Variants in MAGI3 observed in about 807,000 individuals in gnomAD.
MAGI3 encodes membrane associated guanylate kinase, WW and PDZ domain containing 3.
A neutral mutation model predicts 121.8 loss-of-function variants in MAGI3; 43 were observed. The ratio of observed to expected loss-of-function variants is 0.35; its 90% CI spans 0.28 to 0.46. The LOEUF (loss-of-function observed/expected upper bound fraction) is 0.46, where lower values mean the gene tolerates loss of function less well. Among genes scored for constraint, MAGI3 ranks in the 20% least tolerant of loss-of-function variants. The pLI, the probability that MAGI3 is intolerant of heterozygous loss-of-function variation, is 1.00. For synonymous variants in MAGI3, 553 were observed against 639.3 expected (o/e 0.86, Z 2.04); for missense variants, 1,547 against 1,797.3 (o/e 0.86, Z 2.52).
At chr1:113,572,295 C>T (rs1463655937) in intron 2 of MAGI3, among the ~76,000 whole-genome samples, 1 of 152,176 alleles carries the variant, frequency 6.6e-6, no homozygotes, top group African/African-American at 2.4e-5. Flanking sequence ...ATTCAGTTTG[C>T]CAGTATTTTA....
Position 113,684,943 on chromosome 1 carries a change from C to T in MAGI3, c.*929C>T, listed in dbSNP as rs1648457622. 1 of 152,332 alleles carries T rather than the reference C, an allele frequency of 6.6e-6. No individual in the cohort carries two copies. The highest frequency in any genetic ancestry group is 2.4e-5 in the African/African-American group (1 of 41,448). 9.4% of individuals were successfully genotyped at this position (152,332 alleles called of 1,614,324 possible). On this transcript the variant is annotated 3_prime_UTR_variant, in exon 21 of 21. Transcript: ENST00000307546. ...AGTCATTAGTCTTTAATACATAATA[C>T]ATATTTGAAAAGTAAACATATTATA...
rs548774630 is a variant in MAGI3 at position 113,545,385 on chromosome 1, G to A, written c.317-4130G>A. On this transcript the variant is annotated intron_variant, in intron 1 of 20. Coordinates refer to ENST00000307546, the MANE Select transcript of MAGI3 (RefSeq NM_001142782.2). Reference sequence around the variant, plus strand: ...TGCTATTGGATTAGAGAATAGTAAAGACATGTTGTATCTTGACTTTCGCCA... The same window carrying A: ...TGCTATTGGATTAGAGAATAGTAAAAACATGTTGTATCTTGACTTTCGCCA... Among the ~76,000 whole-genome samples, 8 of 152,108 alleles carry A rather than the reference G, an allele frequency of 5.3e-5. No individual in the cohort carries two copies. The South Asian group carries it at 1.7e-3, about 32-fold the overall frequency.
intron 1 of MAGI3, among the ~76,000 whole-genome samples, chr1:113,527,201 A>G (rs1324932058): frequency 2.6e-5 from 4 of 151,268 alleles, no homozygotes. Context: ...GATTTTTAAA[A>G]TGGCAGTTGA....
chr1:113,423,204 G>A (rs184020774), intron 1 of MAGI3, among the ~76,000 whole-genome samples: 27 of 148,288 alleles, frequency 1.8e-4, no homozygotes, highest in African/African-American at 5.9e-4. Context: ...GACCCAAAGC[G>A]CGTAGTTCCT....
At chr1:113,573,323 T>G (rs988631407) in intron 2 of MAGI3, among the ~76,000 whole-genome samples, 52 of 152,370 alleles carry the variant, frequency 3.4e-4, no homozygotes, top group African/African-American at 1.2e-3. Flanking sequence ...TTTTCCGATG[T>G]GGGCATTCAG....
At chr1:113,623,443 T>TACATACACATACAC (rs1650977416) in intron 9 of MAGI3, among the ~76,000 whole-genome samples, 1 of 62,996 alleles carries the variant, frequency 1.6e-5, no homozygotes, top group Non-Finnish European at 3.2e-5. Context: ...CACATATATA[T>TACATACACATACAC]ACACACACAT....
chr1:113,664,995 G>A (rs866337553), intron 16 of MAGI3, among the ~76,000 whole-genome samples: 3 of 152,050 alleles, frequency 2.0e-5, no homozygotes, highest in Non-Finnish European at 4.4e-5. Flanking sequence ...TAATTTAGAT[G>A]TAATCAAATT....
chr1:113,423,245 C>CG (rs1652820743), intron 1 of MAGI3, among the ~76,000 whole-genome samples: 1 of 83,662 alleles, frequency 1.2e-5, no homozygotes, highest in Admixed American at 1.7e-4. Context: ...GGTAAGTATT[C>CG]GTTTTTTTTT....
intron 20 of MAGI3, chr1:113,682,674 A>T: frequency 1.0e-6 from 1 of 976,936 alleles, no homozygotes. Flanking sequence ...GAAAAAATGA[A>T]TATTATTTTG....
In MAGI3 at chr1:113,642,057, C is replaced by G; in HGVS notation, c.1507C>G (p.Pro503Ala). 1.2e-6 allele frequency: 2 copies of G among 1,614,080 alleles called. No homozygotes were observed. The highest frequency in any genetic ancestry group is 1.7e-6 in the Non-Finnish European group (2 of 1,180,020). ...GYPLPDDSED[P>A]VVDIVAATPV... ...TCCACTTCCTGATGACAGTGAAGAT[C>G]CTGTTGTGGACATTGTTGCTGCTAC... The change falls in exon 10 of 21, where the codon CCT (proline) becomes GCT (alanine). Residue 503 changes from proline to alanine, a missense_variant. Physicochemically the swap from Pro to Ala is conservative, Grantham distance 27 (BLOSUM62 -1). Transcript: ENST00000307546.
At chr1:113,399,110 T>C (rs1651269554) in intron 1 of MAGI3, among the ~76,000 whole-genome samples, 1 of 146,712 alleles carries the variant, frequency 6.8e-6, no homozygotes, top group Non-Finnish European at 1.5e-5. Flanking sequence ...TTCTTCTGGG[T>C]TGGATTTTTT....
At chr1:113,540,869 C>T (rs1659261793) in intron 1 of MAGI3, among the ~76,000 whole-genome samples, 1 of 152,092 alleles carries the variant, frequency 6.6e-6, no homozygotes, top group Admixed American at 6.5e-5. Context: ...TTTAGTTATA[C>T]ATAATTTGAA....
At chr1:113,416,003 T>G (rs201517632) in intron 1 of MAGI3, among the ~76,000 whole-genome samples, 2,180 of 89,732 alleles carry the variant, frequency 0.024, 36 homozygotes, top group Non-Finnish European at 0.031. Flanking sequence ...TATAATTAAT[T>G]ACATATATTA....
intron 1 of MAGI3, chr1:113,404,320 G>A (rs1651562540): frequency 6.6e-6 from 1 of 152,074 alleles, no homozygotes; most frequent in Non-Finnish European, 1.5e-5. Context: ...CAGCTGAGAG[G>A]TTTTGAAGTG....
chr1:113,471,414 T>C (rs1361114025), intron 1 of MAGI3, among the ~76,000 whole-genome samples: 1 of 152,112 alleles, frequency 6.6e-6, no homozygotes, highest in Non-Finnish European at 1.5e-5. Context: ...TTTTAAAAAT[T>C]GTAAAGAAAA....
rs751100512 is a variant in MAGI3 at position 113,673,386 on chromosome 1, G to T, written c.3110G>T (p.Gly1037Val). 5.6e-6 allele frequency: 9 copies of T among 1,612,354 alleles called. No individual in the cohort carries two copies. Among genetic ancestry groups the T allele is most frequent in the Non-Finnish European group, 7.6e-6 (9 of 1,179,762 alleles). ...CGGGGCTTTGGATTCAGCCTCCGAGGGGGGAAGGAGTACAACATGGGGCTG... is the reference window on the plus strand; with the variant it reads ...CGGGGCTTTGGATTCAGCCTCCGAGTGGGGAAGGAGTACAACATGGGGCTG... ...GPRGFGFSLR[G>V]GKEYNMGLFI... Residue 1037 changes from glycine to valine, a missense_variant, in exon 19 of 21, where the codon GGG (glycine) becomes GTG (valine). Gly to Val is a moderately radical substitution (Grantham distance 109). Coordinates refer to ENST00000307546, the MANE Select transcript of MAGI3 (RefSeq NM_001142782.2).
In MAGI3 at chr1:113,601,164, G is replaced by A. The variant is rs536773016; in HGVS notation, c.1018+6604G>A. On this transcript the variant is annotated intron_variant, in intron 6 of 20. Transcript: ENST00000307546. ...CCATTCAGGACATAGGCATGGGCAA[G>A]GACTTCATGTCTAAAACACCAAAAG... Among the ~76,000 whole-genome samples the A allele has an allele frequency of 1.3e-4, 20 of 151,934 alleles. No individual in the cohort carries two copies. In the East Asian group the frequency reaches 3.7e-3, roughly 28 times the overall value.
Position 113,671,748 on chromosome 1 carries a change from C to T in MAGI3, c.2830C>T (p.Pro944Ser), listed in dbSNP as rs141608933. The change falls in exon 17 of 21, where the codon CCA becomes TCA. Residue 944 changes from proline (P) to serine (S), a missense_variant. Transcript: ENST00000307546. ...CATTTGAACAGAGCATCATGGTCCA[C>T]CATCAGGAACAAACTCAGCCAGGCA... ...VIAEEEHHGP[P>S]SGTNSARQSP... 3 of 1,614,068 alleles carry T rather than the reference C, an allele frequency of 1.9e-6. No individual in the cohort carries two copies. The African/African-American group carries it at 4.0e-5, about 22-fold the overall frequency.
At chr1:113,582,527 G>A (rs1648102611) in intron 3 of MAGI3, among the ~76,000 whole-genome samples, 1 of 151,852 alleles carries the variant, frequency 6.6e-6, no homozygotes, top group Non-Finnish European at 1.5e-5. Flanking sequence ...GTATAAAATT[G>A]TATAAAAAGA....
Sources: allele counts gnomAD v4.1 joint callset (sites outside exome capture counted in the v4.1 genomes callset), GRCh38; gene constraint gnomAD v4.1.1; transcripts MANE v1.5; gene names NCBI Gene and HGNC (gene_info 2026-07-23, HGNC 2026-07-21).